The following KALRN variants were observed in gnomAD, a reference collection of about 807,000 sequenced individuals.
KALRN encodes the protein kalirin RhoGEF kinase.
KALRN carries 70 observed loss-of-function variants against 353.7 expected under a neutral mutation model. The ratio of observed to expected loss-of-function variants is 0.20; its 90% confidence interval spans 0.16 to 0.24. The LOEUF is 0.24. Among genes scored for constraint, KALRN ranks in the 10% least tolerant of loss-of-function variants. KALRN has a pLI of 1.00. For synonymous variants in KALRN, 1,391 were observed against 1,434.8 expected (o/e 0.97, Z 0.69); for missense variants, 2,791 against 3,756.7 (o/e 0.74, Z 6.72).
chr3:124,250,570 G>A (rs1333739404), intron 3 of KALRN, among the ~76,000 whole-genome samples: 2 of 152,216 alleles, frequency 1.3e-5, no homozygotes, highest in Non-Finnish European at 2.9e-5. Context: ...ACTGTGCTTA[G>A]ACAGGTCACA....
intron 10 of KALRN, among the ~76,000 whole-genome samples, chr3:124,367,494 G>T (rs2085017866): frequency 9.1e-6 from 1 of 110,450 alleles, no homozygotes; most frequent in Non-Finnish European, 1.9e-5. Flanking sequence ...GGACGGGGCA[G>T]CTGGCCGGGC....
chr3:124,476,352 C>T lies in KALRN; in HGVS notation c.4102-893C>T, dbSNP rs116636182. On this transcript the variant is annotated intron_variant, in intron 26 of 59. Transcript: ENST00000682506. ...TAACCAATCTGTGCCACAGTTCTCTCATCTGCAAACTGGGGATGATAACAG... is the reference window on the plus strand; with the variant it reads ...TAACCAATCTGTGCCACAGTTCTCTTATCTGCAAACTGGGGATGATAACAG... Among the ~76,000 whole-genome samples, 1,499 of 151,330 alleles carry T rather than the reference C, an allele frequency of 9.9e-3. 22 individuals carry two copies. The highest frequency in any genetic ancestry group is 0.034 in the African/African-American group (1,422 of 41,286).
At chr3:124,350,702 A>G (rs1182745198) in intron 10 of KALRN, among the ~76,000 whole-genome samples, 1 of 152,186 alleles carries the variant, frequency 6.6e-6, no homozygotes, top group Non-Finnish European at 1.5e-5. Flanking sequence ...TGAGTAATCC[A>G]CTGGCATAAT....
Position 124,492,752 on chromosome 3 carries a change from G to T in KALRN, c.4702G>T (p.Glu1568Ter). 1 of 1,613,926 alleles carries T rather than the reference G, an allele frequency of 6.2e-7. No individual in the cohort carries two copies. Among genetic ancestry groups the T allele is most frequent in the Non-Finnish European group, 8.5e-7 (1 of 1,179,926 alleles). ...TGTGGCACTCTAGGCCTCCAACATT[G>T]AAACCAAGCAGGAGTGGATCAAGAA... ...NKTVLKASNI[E>*]TKQEWIKNIR... is the part of the protein sequence containing the mutation. Residue 1568 changes from glutamate to a stop codon, truncating the protein, a stop_gained, in exon 32 of 60, where the codon GAA becomes TAA. Coordinates refer to ENST00000682506, the MANE Select transcript of KALRN (RefSeq NM_001388419.1). LOFTEE classifies it high-confidence loss of function.
intron 13 of KALRN, among the ~76,000 whole-genome samples, chr3:124,411,432 G>GTTTTTTTTTTTTTT (rs1560849512): frequency 2.8e-5 from 1 of 36,250 alleles, no homozygotes; most frequent in Non-Finnish European, 5.4e-5. Context: ...TTTAAATTAT[G>GTTTTTTTTTTTTTT]CTTTTTTTTT....
intron 5 of KALRN, among the ~76,000 whole-genome samples, chr3:124,270,421 GTTTTGC>G (rs1378283430): frequency 1.3e-5 from 2 of 152,058 alleles, no homozygotes; most frequent in Non-Finnish European, 2.9e-5. Context: ...AATATTAATA[GTTTTGC>G]TTCCTTGGGG....
At chr3:124,553,446 G>A (rs566072512) in intron 33 of KALRN, among the ~76,000 whole-genome samples, 39 of 152,186 alleles carry the variant, frequency 2.6e-4, no homozygotes, top group Non-Finnish European at 4.7e-4. Flanking sequence ...TGTGAAAATC[G>A]TCTCTGGTCT....
At chr3:124,171,396 C>T (rs2071799713) in intron 1 of KALRN, among the ~76,000 whole-genome samples, 1 of 152,196 alleles carries the variant, frequency 6.6e-6, no homozygotes, top group Non-Finnish European at 1.5e-5. Flanking sequence ...CTGAATAACT[C>T]TCTCTGTTCA....
At chr3:124,431,405 C>A (rs1021265231) in intron 16 of KALRN, among the ~76,000 whole-genome samples, 15 of 152,180 alleles carry the variant, frequency 9.9e-5, no homozygotes, top group African/African-American at 3.4e-4. Flanking sequence ...AAAAATAAAA[C>A]TTCATTTATG....
chr3:124,474,743 T>G lies in KALRN; in HGVS notation c.4101+11T>G. 1 of 1,609,214 alleles carries G rather than the reference T, an allele frequency of 6.2e-7. No homozygotes were observed. Among genetic ancestry groups the G allele is most frequent in the South Asian group, 1.1e-5 (1 of 91,002 alleles). ...TGCTTTGTTACCTGGGTAACCAACC[T>G]GAAATCCTTCTCCCACTGCCCATAC... On this transcript the variant is annotated intron_variant, in intron 26 of 59. Coordinates refer to ENST00000682506, the MANE Select transcript of KALRN (RefSeq NM_001388419.1).
chr3:124,316,238 TGGACTG>T (rs1361129948), intron 6 of KALRN, among the ~76,000 whole-genome samples: 34 of 152,320 alleles, frequency 2.2e-4, no homozygotes, highest in Non-Finnish European at 4.3e-4. Flanking sequence ...AGCTCCTGCC[TGGACTG>T]CTGTAGTAGC....
chr3:124,185,691 T>C (rs907881484), intron 1 of KALRN, among the ~76,000 whole-genome samples: 2 of 152,184 alleles, frequency 1.3e-5, no homozygotes, highest in African/African-American at 4.8e-5. Context: ...GGTGCATAGA[T>C]GGCACCAGTT....
chr3:124,282,573 C>T, intron 5 of KALRN, among the ~76,000 whole-genome samples: 1 of 151,970 alleles, frequency 6.6e-6, no homozygotes, highest in East Asian at 1.9e-4. Context: ...GATGGGGTTT[C>T]TCCATGTTGG....
intron 9 of KALRN, among the ~76,000 whole-genome samples, chr3:124,337,546 A>G (rs2081260451): frequency 6.6e-6 from 1 of 152,182 alleles, no homozygotes; most frequent in African/African-American, 2.4e-5. Context: ...TCATTTGGCC[A>G]GTATTTTATT....
intron 27 of KALRN, among the ~76,000 whole-genome samples, chr3:124,481,888 C>T (rs10514768): frequency 0.032 from 4,904 of 152,290 alleles, 257 homozygotes; most frequent in African/African-American, 0.11. Flanking sequence ...ATACCATTTC[C>T]TCTATTGTCT....
intron 33 of KALRN, among the ~76,000 whole-genome samples, chr3:124,534,137 C>T (rs1246542856): frequency 6.6e-6 from 1 of 152,186 alleles, no homozygotes; most frequent in Non-Finnish European, 1.5e-5. Context: ...AATACTGTCA[C>T]ACCCAAGAGG....
At chr3:124,303,015 A>C (rs9818967) in intron 6 of KALRN, among the ~76,000 whole-genome samples, 30,272 of 152,078 alleles carry the variant, frequency 0.2, 3,103 homozygotes, top group South Asian at 0.29. Context: ...TCAACATATA[A>C]ATTTTGGGGC....
In KALRN at chr3:124,265,274, T is replaced by G. The variant is rs1042162636; in HGVS notation, c.456+584T>G. ...TTCTATTTGACTGTATTTCTGTATC[T>G]AGTAACTAATTTAAGAAAATATTCT... On this transcript the variant is annotated intron_variant, in intron 4 of 59. Coordinates refer to ENST00000682506, the MANE Select transcript of KALRN (RefSeq NM_001388419.1). Among the ~76,000 whole-genome samples, 5 of 148,356 alleles carry G rather than the reference T, an allele frequency of 3.4e-5. No individual in the cohort carries two copies. In the Admixed American group the frequency reaches 3.4e-4, roughly 10 times the overall value.
At chr3:124,629,538 C>T (rs2080502876) in intron 34 of KALRN, among the ~76,000 whole-genome samples, 1 of 152,194 alleles carries the variant, frequency 6.6e-6, no homozygotes, top group Non-Finnish European at 1.5e-5. Flanking sequence ...CTATTACTGG[C>T]TGTTAACTTA....
Sources: allele counts gnomAD v4.1 joint callset (sites outside exome capture counted in the v4.1 genomes callset), GRCh38; gene constraint gnomAD v4.1.1; transcripts MANE v1.5; gene names NCBI Gene and HGNC (gene_info 2026-07-23, HGNC 2026-07-21).